DTHD1: variants seen among roughly 807,000 people sequenced by gnomAD.
DTHD1 encodes death domain-containing protein 1.
In DTHD1, 59 loss-of-function variants were observed where a neutral mutation model predicts 74.8. The ratio of observed to expected loss-of-function variants is 0.79; its 90% CI spans 0.64 to 0.98. The LOEUF is 0.98. Ranked by LOEUF, DTHD1 falls within the 50% of genes least tolerant of loss-of-function variation. The pLI is 0.00. For missense variants in DTHD1, 1,051 were observed against 1,065.4 expected, an observed-to-expected ratio of 0.99 and a Z score of 0.19; for synonymous variants, 365 against 371.1, an observed-to-expected ratio of 0.98 and a Z score of 0.19.
At chr4:36,311,622 T>C (rs1357408578) in intron 7 of DTHD1, 2 of 152,228 alleles carry the variant, frequency 1.3e-5, no homozygotes, top group Non-Finnish European at 2.9e-5. Flanking sequence ...CCTTTTTTCA[T>C]TTGTGGCCTT....
intron 3 of DTHD1, 145 bp downstream of exon 3, chr4:36,290,848 T>C: frequency 1.4e-6 from 1 of 689,976 alleles, no homozygotes; most frequent in Non-Finnish European, 2.4e-6. Context: ...GCGTTCACAG[T>C]TTATTGCCAT....
At chr4:36,327,124 G>A (rs190295103) in intron 8 of DTHD1, among the ~76,000 whole-genome samples, 50 of 151,988 alleles carry the variant, frequency 3.3e-4, no homozygotes, top group Non-Finnish European at 5.7e-4. Context: ...CTGCCACCTC[G>A]CCTGACTAAT....
At position 36,343,814 on chromosome 4, in the gene DTHD1, C is replaced by A. The variant is rs772571231; in HGVS notation, c.2711C>A (p.Ala904Asp). 1.9e-6 allele frequency: 3 copies of A among 1,545,546 alleles called. No individual in the cohort carries two copies. The highest frequency in any genetic ancestry group is 2.6e-6 in the Non-Finnish European group (3 of 1,143,618). ...GAACCACAGCAGTGTTTTGATGTAG[C>A]CCCTGAGTAAAAGCCTGATCTCTCT... ...FTEPQQCFDVAPE is the reference protein window; with the variant it reads ...FTEPQQCFDVDPE The change falls in exon 10 of 10, where the codon GCC becomes GAC. Residue 904 changes from alanine to aspartate, a missense_variant. Ala to Asp is a moderately radical substitution (Grantham distance 126). Transcript: ENST00000639862.
At chr4:36,323,950 TGTC>T (rs1181765149) in intron 8 of DTHD1, among the ~76,000 whole-genome samples, 1 of 152,164 alleles carries the variant, frequency 6.6e-6, no homozygotes, top group African/African-American at 2.4e-5. Flanking sequence ...GTTATCCTCA[TGTC>T]TGCAGTTCCA....
intron 5 of DTHD1, 37 bp downstream of exon 5, chr4:36,295,076 T>C: frequency 6.8e-7 from 1 of 1,466,340 alleles, no homozygotes. Context: ...TGGCTTAATG[T>C]CAAACAAAGA....
intron 8 of DTHD1, chr4:36,333,377 G>A (rs964994337): frequency 1.3e-5 from 2 of 151,968 alleles, no homozygotes; most frequent in African/African-American, 4.8e-5. Context: ...AAAAAAGAAG[G>A]CCTATTTTAT....
intron 8 of DTHD1, 89 bp from the exon 9 acceptor site, chr4:36,339,023 C>A: frequency 9.5e-7 from 1 of 1,054,662 alleles, no homozygotes; most frequent in Non-Finnish European, 1.4e-6. Context: ...TTCTTCGAAA[C>A]AGAGATGATG....
At chr4:36,289,574 C>T (rs1409635473) in intron 2 of DTHD1, among the ~76,000 whole-genome samples, 1 of 151,968 alleles carries the variant, frequency 6.6e-6, no homozygotes, top group Non-Finnish European at 1.5e-5. Context: ...GTAGCACCTA[C>T]CTAATACAAT....
chr4:36,316,791 C>A (rs1225931952), intron 8 of DTHD1, among the ~76,000 whole-genome samples: 1 of 152,036 alleles, frequency 6.6e-6, no homozygotes, highest in Admixed American at 6.5e-5. Context: ...ACTGGAAAAT[C>A]ATTTATGAAA....
In DTHD1 at chr4:36,295,015, G is replaced by T; in HGVS notation, c.1619G>T (p.Arg540Met). ...HKRRASATIN[R>M]ITPSYFNRTK... The stretch of plus-strand genomic sequence containing the variant: ...AGAAGAGCAAGTGCCACAATAAATA[G>T]GATTACACCTTCGTATTTCAACCGG... Residue 540 changes from arginine (R) to methionine (M), a missense_variant, in exon 5 of 10, where the codon AGG (arginine) becomes ATG (methionine). Transcript: ENST00000639862. 6.5e-7 allele frequency: 1 copy of T among 1,543,434 alleles called. No individual in the cohort carries two copies.
intron 8 of DTHD1, among the ~76,000 whole-genome samples, chr4:36,337,875 T>TA (rs1759099841): frequency 6.6e-6 from 1 of 152,206 alleles, no homozygotes; most frequent in Non-Finnish European, 1.5e-5. Flanking sequence ...CGTTTTGACA[T>TA]ACAGTAATTA....
chr4:36,282,414 C>A (rs1269540924), intron 1 of DTHD1, among the ~76,000 whole-genome samples: 1 of 152,100 alleles, frequency 6.6e-6, no homozygotes, highest in Non-Finnish European at 1.5e-5. Flanking sequence ...AAAATACAGG[C>A]CACTGAGGCA....
Position 36,297,115 on chromosome 4 carries a change from C to G in DTHD1, c.1643+2076C>G, listed in dbSNP as rs918534994. Among the ~76,000 whole-genome samples the G allele has an allele frequency of 5.3e-5, 8 of 152,112 alleles. No individual in the cohort carries two copies. In the East Asian group the frequency reaches 1.4e-3, roughly 26 times the overall value. On this transcript the variant is annotated intron_variant, in intron 5 of 9. Transcript: ENST00000639862. Reference sequence around the variant, plus strand: ...AGTGGATAATCATCAAGGTTTTTATCCCTGTCATCTTCATGTTGAGTAGGC... The same window carrying G: ...AGTGGATAATCATCAAGGTTTTTATGCCTGTCATCTTCATGTTGAGTAGGC...
chr4:36,301,698 A>T (rs2109482049), intron 5 of DTHD1, among the ~76,000 whole-genome samples: 1 of 152,172 alleles, frequency 6.6e-6, no homozygotes, highest in East Asian at 1.9e-4. Context: ...TTATCTGTAT[A>T]CTCCTTGGTA....
chr4:36,295,182 G>A lies in DTHD1; in HGVS notation c.1643+143G>A, dbSNP rs567748113. 5 of 1,120,642 alleles carry A rather than the reference G, an allele frequency of 4.5e-6. No homozygotes were observed. In the South Asian group the frequency reaches 9.0e-5, roughly 20 times the overall value. The allele number at this position is 1,120,642 out of a possible 1,614,324, so 69.4% of individuals were successfully genotyped here. On this transcript the variant is annotated intron_variant, in intron 5 of 9. Transcript: ENST00000639862. ...CTTTAATCTAGAAAGAAGATATTGTGGATCCACAAAAGGTAATAATTTTAG... is the reference window on the plus strand; with the variant it reads ...CTTTAATCTAGAAAGAAGATATTGTAGATCCACAAAAGGTAATAATTTTAG...
rs1163130827 is a variant in DTHD1 at position 36,284,159 on chromosome 4, A to T, written c.455A>T (p.Glu152Val). 4 of 1,537,206 alleles carry T rather than the reference A, an allele frequency of 2.6e-6. No homozygotes were observed. Among genetic ancestry groups the T allele is most frequent in the Non-Finnish European group, 3.5e-6 (4 of 1,146,874 alleles). Residue 152 changes from glutamate (E) to valine (V), a missense_variant, in exon 2 of 10, where the codon GAA (glutamate) becomes GTA (valine). Physicochemically the swap from Glu to Val is moderately radical, Grantham distance 121. Transcript: ENST00000639862. The part of the protein sequence containing the change: ...TKAADIAARG[E>V]LNVIETATVS... ...GCAGCAGACATTGCTGCAAGAGGGG[A>T]ACTAAATGTCATAGAAACAGCTACT...
chr4:36,283,316 T>C (rs773473909), intron 1 of DTHD1, among the ~76,000 whole-genome samples: 31 of 152,202 alleles, frequency 2.0e-4, no homozygotes, highest in Non-Finnish European at 3.8e-4. Context: ...TGACCTGAGT[T>C]AGTAGGCTTT....
chr4:36,308,157 T>C (rs1757165285), intron 6 of DTHD1, 47 bp from the exon 7 acceptor site: 1 of 1,518,958 alleles, frequency 6.6e-7, no homozygotes, highest in African/African-American at 1.4e-5. Context: ...AGTGATGTTC[T>C]TGACACTGCA....
chr4:36,342,914 A>AAT (rs1463985415), intron 9 of DTHD1, among the ~76,000 whole-genome samples: 5 of 123,310 alleles, frequency 4.1e-5, no homozygotes, highest in Non-Finnish European at 8.2e-5. Context: ...CTCTACTAAA[A>AAT]ATACAAAAAA....
Sources: gnomAD v4.1 joint callset for allele counts (sites outside exome capture counted in the v4.1 genomes callset) on GRCh38, gnomAD v4.1.1 for gene constraint, MANE v1.5 for transcripts, NCBI Gene and HGNC (gene_info 2026-07-23, HGNC 2026-07-21) for gene names.